Variants in CCDC170 observed in about 807,000 individuals in gnomAD.
The protein encoded by CCDC170 is coiled-coil domain-containing protein 170.
Under a neutral mutation model 72.6 loss-of-function variants are expected in CCDC170, and 69 were observed. The ratio of observed to expected loss-of-function variants is 0.95; its 90% CI spans 0.78 to 1.16. The LOEUF is 1.16. CCDC170 is among the 50% of genes most tolerant of loss of function. The pLI, the probability that CCDC170 is intolerant of heterozygous loss-of-function variation, is 0.00. For missense variants in CCDC170, 852 were observed against 832.5 expected, an observed-to-expected ratio of 1.02 and a Z score of -0.29; for synonymous variants, 300 against 303.9, an observed-to-expected ratio of 0.99 and a Z score of 0.13.
intron 1 of CCDC170, among the ~76,000 whole-genome samples, chr6:151,524,137 C>T (rs985018522): frequency 7.2e-5 from 11 of 152,090 alleles, no homozygotes; most frequent in African/African-American, 1.2e-4. Flanking sequence ...CACATGTGGG[C>T]GCTTAGCTTA....
At chr6:151,522,680 C>A (rs754690962) in intron 1 of CCDC170, among the ~76,000 whole-genome samples, 2 of 152,176 alleles carry the variant, frequency 1.3e-5, no homozygotes, top group African/African-American at 4.8e-5. Context: ...ACCATTGCTC[C>A]GTCTTTAAGG....
intron 5 of CCDC170, among the ~76,000 whole-genome samples, chr6:151,570,345 C>G (rs1243725523): frequency 6.6e-6 from 1 of 152,200 alleles, no homozygotes; most frequent in African/African-American, 2.4e-5. Flanking sequence ...ACACATCAGA[C>G]TGTGCAGTCG....
intron 3 of CCDC170, among the ~76,000 whole-genome samples, chr6:151,543,838 A>G (rs528526456): frequency 6.6e-6 from 1 of 152,304 alleles, no homozygotes; most frequent in South Asian, 2.1e-4. Flanking sequence ...TCCGATGTGT[A>G]TATATCATAT....
rs116272915 is a variant in CCDC170 at position 151,604,041 on chromosome 6, C to T, written c.1710+7464C>T. 3.2e-3 allele frequency among the ~76,000 whole-genome samples: 494 copies of T among 152,188 alleles called. 5 individuals carry two copies. The highest frequency in any genetic ancestry group is 0.011 in the African/African-American group (454 of 41,508). Reference sequence around the variant, plus strand: ...CCCAACCTTAGTAAGGAGCTATGGCCGAAGATCAGCAGTCAGACAACCAAA... The same window carrying T: ...CCCAACCTTAGTAAGGAGCTATGGCTGAAGATCAGCAGTCAGACAACCAAA... On this transcript the variant is annotated intron_variant, in intron 9 of 10. Coordinates refer to ENST00000239374, the MANE Select transcript of CCDC170 (RefSeq NM_025059.4).
At chr6:151,540,942 C>T (rs940753333) in intron 3 of CCDC170, among the ~76,000 whole-genome samples, 11 of 152,168 alleles carry the variant, frequency 7.2e-5, no homozygotes, top group African/African-American at 1.7e-4. Context: ...CAGAGTCCTC[C>T]AGTGACTTCT....
chr6:151,561,223 A>T (rs886079121), intron 5 of CCDC170, among the ~76,000 whole-genome samples: 1 of 152,048 alleles, frequency 6.6e-6, no homozygotes, highest in African/African-American at 2.4e-5. Context: ...CAATCCAATT[A>T]TACTCTTTTA....
intron 5 of CCDC170, among the ~76,000 whole-genome samples, chr6:151,563,520 G>T (rs1291330214): frequency 6.6e-6 from 1 of 152,132 alleles, no homozygotes; most frequent in Non-Finnish European, 1.5e-5. Context: ...AGTCAGAATG[G>T]GTTGTGGGGT....
Position 151,615,464 on chromosome 6 carries a change from A to G in CCDC170, c.1732A>G (p.Lys578Glu). ...CTAGATTAAAACTTTGGAACAGACT[A>G]AAGCCATTGAAGATCTAAACAAATC... The part of the protein sequence containing the change: ...ELKIKTLEQT[K>E]AIEDLNKSRD... Residue 578 changes from lysine (K) to glutamate (E), a missense_variant, in exon 10 of 11, where the codon AAA becomes GAA. By Grantham distance (56) the Lys-to-Glu change is moderately conservative. Transcript: ENST00000239374. 6.2e-7 allele frequency: 1 copy of G among 1,613,686 alleles called. No individual in the cohort carries two copies. The highest frequency in any genetic ancestry group is 8.5e-7 in the Non-Finnish European group (1 of 1,179,582).
intron 1 of CCDC170, among the ~76,000 whole-genome samples, chr6:151,499,493 G>C (rs796641778): frequency 4.4e-5 from 5 of 114,654 alleles, no homozygotes; most frequent in South Asian, 2.8e-4. Context: ...ACTATTCTAG[G>C]CACTCTGTAT....
intron 1 of CCDC170, among the ~76,000 whole-genome samples, chr6:151,503,609 C>G (rs1176637861): frequency 1.3e-5 from 2 of 152,044 alleles, no homozygotes; most frequent in East Asian, 1.9e-4. Context: ...TGCACCACCA[C>G]GCCCAGCAAA....
intron 7 of CCDC170, among the ~76,000 whole-genome samples, chr6:151,592,480 T>G (rs1441032939): frequency 6.6e-6 from 1 of 152,186 alleles, no homozygotes; most frequent in East Asian, 1.9e-4. Context: ...CTCACAATCA[T>G]GGTGGAAGAG....
chr6:151,524,788 A>T (rs897627581), intron 1 of CCDC170, among the ~76,000 whole-genome samples: 6 of 152,280 alleles, frequency 3.9e-5, no homozygotes, highest in African/African-American at 1.4e-4. Flanking sequence ...TTGTGCCTAT[A>T]CACAAAAGTT....
rs767495505 is a variant in CCDC170, at chr6:151,618,152, T to C, written c.*5T>C. 1 of 1,611,938 alleles carries C rather than the reference T, an allele frequency of 6.2e-7. No homozygotes were observed. Among genetic ancestry groups the C allele is most frequent in the Non-Finnish European group, 8.5e-7 (1 of 1,178,462 alleles). ...CATTTACAGCTTCTTCATTGAACAC[T>C]GTATCTCTTGAGAGAGGTGGCCATA... On this transcript the variant is annotated 3_prime_UTR_variant, in exon 11 of 11. Coordinates refer to ENST00000239374, the MANE Select transcript of CCDC170 (RefSeq NM_025059.4).
chr6:151,562,642 G>C (rs754638265), intron 5 of CCDC170, among the ~76,000 whole-genome samples: 2 of 152,160 alleles, frequency 1.3e-5, no homozygotes, highest in South Asian at 4.1e-4. Context: ...AGGGCTGGGG[G>C]TGCAGAGTCC....
chr6:151,597,067 C>G (rs1024169478), intron 9 of CCDC170, among the ~76,000 whole-genome samples: 1 of 152,138 alleles, frequency 6.6e-6, no homozygotes, highest in African/African-American at 2.4e-5. Context: ...CTCAGGTGAT[C>G]CGCCCGCCTT....
intron 6 of CCDC170, among the ~76,000 whole-genome samples, chr6:151,582,848 A>T (rs1776397144): frequency 2.0e-5 from 3 of 152,278 alleles, no homozygotes; most frequent in Non-Finnish European, 2.9e-5. Context: ...AATGACACCA[A>T]GTCATTCATG....
chr6:151,547,561 G>T (rs1376131487), intron 4 of CCDC170, among the ~76,000 whole-genome samples: 1 of 152,036 alleles, frequency 6.6e-6, no homozygotes, highest in Admixed American at 6.5e-5. Flanking sequence ...GGGGCACCAT[G>T]TTTTCAGAGC....
chr6:151,494,250 G>A, intron 1 of CCDC170, 65 bp downstream of exon 1: 3 of 1,410,264 alleles, frequency 2.1e-6, no homozygotes, highest in African/African-American at 1.5e-5. Context: ...AGGAGGGGCC[G>A]AGGCGCCCCT....
chr6:151,618,451 G>T lies in CCDC170; in HGVS notation c.*304G>T. On this transcript the variant is annotated 3_prime_UTR_variant, in exon 11 of 11. Transcript: ENST00000239374. ...ATTGGGAGGTATCTATTTTAAGTCA[G>T]GGGCTTTACTAGCCGATTTAGTTCT... 1 of 335,124 alleles carries T rather than the reference G, an allele frequency of 3.0e-6. No homozygotes were observed. Among genetic ancestry groups the T allele is most frequent in the Non-Finnish European group, 5.5e-6 (1 of 181,292 alleles). The allele number at this position is 335,124 out of a possible 1,614,324, so 20.8% of individuals were successfully genotyped here.
Sources: allele counts gnomAD v4.1 joint callset (sites outside exome capture counted in the v4.1 genomes callset), GRCh38; gene constraint gnomAD v4.1.1; transcripts MANE v1.5; gene names NCBI Gene and HGNC (gene_info 2026-07-23, HGNC 2026-07-21).